Variants in LAMC2 observed in about 807,000 individuals in gnomAD.
The protein encoded by LAMC2 is laminin subunit gamma-2.
Under a neutral mutation model 140.2 loss-of-function variants are expected in LAMC2, and 97 were observed. The observed-to-expected ratio is 0.69, with a 90% CI of 0.59 to 0.82. The LOEUF (loss-of-function observed/expected upper bound fraction) is 0.82. Among genes scored for constraint, LAMC2 ranks in the 40% least tolerant of loss-of-function variants. LAMC2 has a pLI of 0.00. For missense variants in LAMC2, 1,402 were observed against 1,476.1 expected (o/e 0.95, Z 0.82); for synonymous variants, 513 against 540.2 (o/e 0.95, Z 0.70).
intron 22 of LAMC2, among the ~76,000 whole-genome samples, chr1:183,242,230 C>T (rs994675396): frequency 6.6e-6 from 1 of 152,162 alleles, no homozygotes; most frequent in African/African-American, 2.4e-5. Context: ...GTCGTAAAAT[C>T]CTAAATTCCT....
At chr1:183,203,953 C>T (rs1441080930) in intron 1 of LAMC2, among the ~76,000 whole-genome samples, 27 of 152,154 alleles carry the variant, frequency 1.8e-4, no homozygotes, top group Admixed American at 1.4e-3. Context: ...TAAGGACCTC[C>T]ATCCCTGGAA....
At chr1:183,231,237 T>A in intron 12 of LAMC2, 134 bp downstream of exon 12, 1 of 1,056,390 alleles carries the variant, frequency 9.5e-7, no homozygotes, top group Non-Finnish European at 1.4e-6. Context: ...TTTCTGTCTT[T>A]AAAAATTGCT....
At position 183,228,542 on chromosome 1, in the gene LAMC2, C is replaced by G; in HGVS notation, c.1637C>G (p.Ala546Gly). The change falls in exon 11 of 23, where the codon GCC becomes GGC. Residue 546 changes from alanine (A) to glycine (G), a missense_variant. Around this residue, in one of 3 missense-constraint regions of LAMC2, gnomAD observed 723 missense variants for 783.3 expected, o/e 0.92. Coordinates refer to ENST00000264144, the MANE Select transcript of LAMC2 (RefSeq NM_005562.3). The surrounding 1 kb of genome is among the most constrained non-coding windows in gnomAD (Gnocchi z 4.3). ...TGTTTGAAGTGTATCCACAACACAGCCGGCATCTACTGCGACCAGTGCAAA... is the reference window on the plus strand; with the variant it reads ...TGTTTGAAGTGTATCCACAACACAGGCGGCATCTACTGCGACCAGTGCAAA... The part of the protein sequence containing the change: ...GRCLKCIHNT[A>G]GIYCDQCKAG... 6.2e-7 allele frequency: 1 copy of G among 1,613,936 alleles called. No homozygotes were observed. Among genetic ancestry groups the G allele is most frequent in the South Asian group, 1.1e-5 (1 of 91,042 alleles).
intron 8 of LAMC2, 96 bp from the exon 9 acceptor site, chr1:183,226,602 T>C: frequency 9.4e-7 from 1 of 1,060,346 alleles, no homozygotes; most frequent in Non-Finnish European, 1.5e-6. Flanking sequence ...CCTGTCTTTG[T>C]TAGGGAGTTA....
intron 20 of LAMC2, 98 bp downstream of exon 20, chr1:183,239,661 C>A: frequency 9.3e-7 from 1 of 1,069,868 alleles, no homozygotes; most frequent in Non-Finnish European, 1.4e-6. Context: ...ACCTCTGAGG[C>A]TCAGAGCCCT....
chr1:183,193,600 T>C (rs974176411), intron 1 of LAMC2, among the ~76,000 whole-genome samples: 9 of 152,182 alleles, frequency 5.9e-5, no homozygotes, highest in African/African-American at 2.2e-4. Flanking sequence ...AAAAATCGTT[T>C]TTCATCCCAA....
chr1:183,216,765 G>GC (rs1050821063), intron 3 of LAMC2, among the ~76,000 whole-genome samples: 2 of 152,036 alleles, frequency 1.3e-5, no homozygotes, highest in African/African-American at 4.8e-5. Context: ...TAAAATGTAA[G>GC]CCCCCTGTGA....
chr1:183,252,832 T>G, the LAMC2 span: 1 of 908,810 alleles, frequency 1.1e-6, no homozygotes, highest in Non-Finnish European at 1.8e-6. Context: ...CAGCACCCCA[T>G]TTGTAGCCTT....
At chr1:183,197,971 A>C (rs533869793) in intron 1 of LAMC2, among the ~76,000 whole-genome samples, 1 of 152,078 alleles carries the variant, frequency 6.6e-6, no homozygotes, top group Non-Finnish European at 1.5e-5. Context: ...GACACCTGGC[A>C]GTATGACATC....
In LAMC2 at chr1:183,236,242, G is replaced by A. The variant is rs571926389; in HGVS notation, c.2457-218G>A. Among the ~76,000 whole-genome samples the A allele has an allele frequency of 6.9e-4, 104 of 151,824 alleles. 1 individual carries two copies. The highest frequency in any genetic ancestry group is 1.8e-3 in the Admixed American group (28 of 15,258). On this transcript the variant is annotated intron_variant, in intron 16 of 22. Transcript: ENST00000264144. ...TTGCTTTTGTTAAAAAAAAAGGGGG[G>A]GCCAGGTGTGGTGGCTCACTCTTGT...
At chr1:183,202,147 T>C (rs1247749910) in intron 1 of LAMC2, among the ~76,000 whole-genome samples, 1 of 150,910 alleles carries the variant, frequency 6.6e-6, no homozygotes, top group East Asian at 1.9e-4. Context: ...TGAGCTGAGA[T>C]CACACCACTG....
At chr1:183,210,788 G>C (rs1659046390) in intron 2 of LAMC2, among the ~76,000 whole-genome samples, 1 of 152,228 alleles carries the variant, frequency 6.6e-6, no homozygotes, top group Non-Finnish European at 1.5e-5. Flanking sequence ...CTGTTAAAGA[G>C]ATGAAGAAAC....
the LAMC2 span, chr1:183,252,830 C>T: frequency 1.1e-6 from 1 of 927,100 alleles, no homozygotes; most frequent in Non-Finnish European, 1.8e-6. Context: ...CCCAGCACCC[C>T]ATTTGTAGCC....
chr1:183,225,664 G>T lies in LAMC2; in HGVS notation c.1010G>T (p.Arg337Leu), dbSNP rs34076098. Residue 337 changes from arginine to leucine, a missense_variant, in exon 8 of 23, where the codon CGA (arginine) becomes CTA (leucine). Transcript: ENST00000264144. ...WSPQLSYFEY[R>L]RLLRNLTALR... The stretch of plus-strand genomic sequence containing the variant: ...CCCCAGCTGAGTTACTTTGAGTATC[G>T]AAGGTTACTGCGGAATCTCACAGCC... 6.2e-7 allele frequency: 1 copy of T among 1,613,904 alleles called. No individual in the cohort carries two copies. The highest frequency in any genetic ancestry group is 1.3e-5 in the African/African-American group (1 of 74,896).
At chr1:183,224,976 CT>C (rs1209067012) in intron 7 of LAMC2, among the ~76,000 whole-genome samples, 1 of 152,176 alleles carries the variant, frequency 6.6e-6, no homozygotes, top group East Asian at 1.9e-4. Flanking sequence ...GACATAGCTT[CT>C]AGCCCAAACC....
At chr1:183,240,475 A>C in intron 22 of LAMC2, 84 bp downstream of exon 22, 1 of 1,564,936 alleles carries the variant, frequency 6.4e-7, no homozygotes, top group Non-Finnish European at 8.6e-7. Flanking sequence ...AGCCCCAGCA[A>C]AGGGGAGTCT....
At chr1:183,217,143 T>A (rs1659294901) in intron 3 of LAMC2, among the ~76,000 whole-genome samples, 1 of 152,086 alleles carries the variant, frequency 6.6e-6, no homozygotes, top group Non-Finnish European at 1.5e-5. Flanking sequence ...TCAAGGGTGC[T>A]CCAGGTTTGT....
chr1:183,230,825 C>A, intron 11 of LAMC2, 136 bp from the exon 12 acceptor site: 2 of 971,188 alleles, frequency 2.1e-6, no homozygotes, highest in South Asian at 1.4e-5. Context: ...TAAGACCTAT[C>A]TGTATTAAGA....
chr1:183,231,053 G>A lies in LAMC2; in HGVS notation c.1807G>A (p.Glu603Lys), dbSNP rs145070713. ...CKPGFGGPNC[E>K]HGAFSCPACY... The stretch of plus-strand genomic sequence containing the variant: ...GCCAGGATTTGGTGGCCCCAACTGT[G>A]AGCATGGAGCATTCAGCTGTCCAGC... Residue 603 changes from glutamate (E) to lysine (K), a missense_variant, in exon 12 of 23, where the codon GAG (glutamate) becomes AAG (lysine). Transcript: ENST00000264144. 6.8e-6 allele frequency: 11 copies of A among 1,614,040 alleles called. No individual in the cohort carries two copies. The highest frequency in any genetic ancestry group is 9.3e-6 in the Non-Finnish European group (11 of 1,180,032).
Sources: gnomAD v4.1 joint callset for allele counts (sites outside exome capture counted in the v4.1 genomes callset) on GRCh38, gnomAD v4.1.1 for gene constraint, gnomAD v4.1.1 regional missense constraint, Gnocchi (gnomAD v3.1) non-coding constraint, MANE v1.5 for transcripts, NCBI Gene and HGNC (gene_info 2026-07-23, HGNC 2026-07-21) for gene names.